MED4: variants seen among roughly 807,000 people sequenced by gnomAD.
MED4 encodes mediator of RNA polymerase II transcription subunit 4.
A neutral mutation model predicts 35.0 loss-of-function variants in MED4; 21 were observed. The ratio of observed to expected loss-of-function variants is 0.60; its 90% CI spans 0.43 to 0.86. MED4 has a LOEUF of 0.86. MED4 is among the 40% of genes least tolerant of loss of function. The pLI, the probability that MED4 is intolerant of heterozygous loss-of-function variation, is 0.00. For missense variants in MED4, 300 were observed against 319.4 expected (o/e 0.94, Z 0.46); for synonymous variants, 138 against 114.0 (o/e 1.21, Z -1.34).
At position 48,095,019 on chromosome 13, in the gene MED4, C is replaced by T. The variant is rs1168671599; in HGVS notation, c.60G>A (p.Val20=). The T allele has an allele frequency of 1.2e-6, 2 of 1,605,142 alleles. No homozygotes were observed. Among genetic ancestry groups the T allele is most frequent in the East Asian group, 2.2e-5 (1 of 44,866 alleles). ...EKERLGGGLG[V]AGGNSTRERL... is the part of the protein sequence containing the mutation. ...GCTCTCGTGTGCTGTTACCACCCGC[C>T]ACTCCCAAACCGCCTCCCAGCCGCT... is the stretch of plus-strand genomic sequence containing the variant. Residue 20 remains valine (V), a synonymous_variant, in exon 1 of 7, where the codon GTG becomes GTA. Transcript: ENST00000258648.
Position 48,094,973 on chromosome 13 carries a change from C to T in MED4, c.106G>A (p.Asp36Asn), listed in dbSNP as rs777467397. Residue 36 changes from aspartate to asparagine, a missense_variant, in exon 1 of 7, where the codon GAC (aspartate) becomes AAC (asparagine). Coordinates refer to ENST00000258648, the MANE Select transcript of MED4 (RefSeq NM_014166.4). ...CATTACCTAGACAGGACCTCCAAGT[C>T]CTCAAGCGCAGACAGCAGCCGCTCT... is the stretch of plus-strand genomic sequence containing the variant. The part of the protein sequence containing the change: ...TRERLLSALE[D>N]LEVLSRELIE... 2 of 1,603,864 alleles carry T rather than the reference C, an allele frequency of 1.2e-6. No homozygotes were observed. The highest frequency in any genetic ancestry group is 1.7e-5 in the Admixed American group (1 of 60,002).
intron 4 of MED4, 140 bp from the exon 5 acceptor site, chr13:48,081,871 A>G: frequency 2.0e-6 from 1 of 488,710 alleles, no homozygotes. Flanking sequence ...CTTCCTTAAC[A>G]ATACCTACAT....
In MED4 at chr13:48,081,703, CTTAA is replaced by C. The variant is rs766645675; in HGVS notation, c.446_449del (p.Ile149SerfsTer16). On this transcript the variant is annotated frameshift_variant, in exon 5 of 7. Transcript: ENST00000258648. LOFTEE classifies it high-confidence loss of function. ...TACTTGCACTGATCCTATGTGCATA[CTTAA>C]TTATTTCTTCAGAGGAGATAGCACC... 1 of 1,611,336 alleles carries C rather than the reference CTTAA, an allele frequency of 6.2e-7. No individual in the cohort carries two copies. The highest frequency in any genetic ancestry group is 1.7e-5 in the Admixed American group (1 of 59,630).
chr13:48,086,577 A>G (rs1950850162), intron 2 of MED4, 125 bp from the exon 3 acceptor site: 7 of 758,206 alleles, frequency 9.2e-6, no homozygotes, highest in Non-Finnish European at 1.2e-5. Context: ...TTTTATTCCT[A>G]ATTCTTGTTA....
Position 48,079,742 on chromosome 13 carries a change from T to A in MED4, c.640+102A>T, listed in dbSNP as rs190814474. On this transcript the variant is annotated intron_variant, in intron 6 of 6. Transcript: ENST00000258648. ...TCTCAAATTTACAAAAAAAAAAAAA[T>A]TGTGTCGGGAATCTCAAACTTGCTT... The A allele has an allele frequency of 7.1e-4, 954 of 1,352,316 alleles. 8 individuals carry two copies. The Admixed American group carries it at 0.02, about 29-fold the overall frequency. 83.8% of individuals were successfully genotyped at this position (1,352,316 alleles called of 1,614,324 possible). A position where few individuals can be genotyped will look rare whatever the true frequency, so the allele number is the denominator to read the frequency against.
At chr13:48,086,179 G>A (rs929407392) in intron 3 of MED4, 103 bp downstream of exon 3, 1 of 1,065,162 alleles carries the variant, frequency 9.4e-7, no homozygotes, top group Non-Finnish European at 1.4e-6. Context: ...TTTAGACTTG[G>A]AAAGTCTAGT....
At chr13:48,085,755 A>C (rs1386442606) in intron 3 of MED4, among the ~76,000 whole-genome samples, 3 of 152,214 alleles carry the variant, frequency 2.0e-5, no homozygotes, top group Admixed American at 6.5e-5. Context: ...TGCCTCTTTG[A>C]AATAGTAGCC....
At chr13:48,086,516 A>G (rs1385626166) in intron 2 of MED4, 64 bp from the exon 3 acceptor site, 16 of 1,447,480 alleles carry the variant, frequency 1.1e-5, no homozygotes, top group African/African-American at 2.9e-5. Flanking sequence ...CCAATGAAAC[A>G]AAGAATCCGT....
Position 48,094,939 on chromosome 13 carries a change from G to A in MED4, c.125+15C>T, listed in dbSNP as rs766867752. ...CGGCCCAGCTCCAGCCCGGCTCTCA[G>A]GCTCGCCGCATTACCTAGACAGGAC... On this transcript the variant is annotated intron_variant, in intron 1 of 6. Coordinates refer to ENST00000258648, the MANE Select transcript of MED4 (RefSeq NM_014166.4). The A allele has an allele frequency of 3.1e-6, 5 of 1,601,052 alleles. No homozygotes were observed. The highest frequency in any genetic ancestry group is 4.2e-6 in the Non-Finnish European group (5 of 1,179,002).
At chr13:48,088,142 A>G (rs897729938) in intron 2 of MED4, among the ~76,000 whole-genome samples, 2 of 152,248 alleles carry the variant, frequency 1.3e-5, no homozygotes, top group African/African-American at 4.8e-5. Context: ...AGCAAAGGCT[A>G]GTTATTACGA....
In MED4 at chr13:48,094,986, C is replaced by CCTCCA; in HGVS notation, c.92_93insTGGAG (p.Ser32GlyfsTer16). 2 of 1,604,172 alleles carry CCTCCA rather than the reference C, an allele frequency of 1.2e-6. No individual in the cohort carries two copies. Among genetic ancestry groups the CCTCCA allele is most frequent in the Non-Finnish European group, 1.7e-6 (2 of 1,179,830 alleles). On this transcript the variant is annotated frameshift_variant, in exon 1 of 7. Coordinates refer to ENST00000258648, the MANE Select transcript of MED4 (RefSeq NM_014166.4). LOFTEE classifies it high-confidence loss of function. ...GGACCTCCAAGTCCTCAAGCGCAGA[C>CCTCCA]AGCAGCCGCTCTCGTGTGCTGTTAC...
chr13:48,094,256 G>A (rs1394448723), intron 1 of MED4, among the ~76,000 whole-genome samples: 2 of 152,172 alleles, frequency 1.3e-5, no homozygotes, highest in Non-Finnish European at 2.9e-5. Context: ...ACTTTAGGAG[G>A]TAGAACCAAG....
At position 48,076,502 on chromosome 13, in the gene MED4, A is replaced by G. The variant is rs540306912; in HGVS notation, c.*637T>C. The stretch of plus-strand genomic sequence containing the variant: ...TTTCAATTCAGTTAGTCACTCAAGT[A>G]TTATAAAATGCAACTGGATTTACAG... On this transcript the variant is annotated 3_prime_UTR_variant, in exon 7 of 7. Transcript: ENST00000258648. 1 of 152,330 alleles carries G rather than the reference A, an allele frequency of 6.6e-6. No homozygotes were observed. The highest frequency in any genetic ancestry group is 1.5e-5 in the Non-Finnish European group (1 of 68,012). 9.4% of individuals were successfully genotyped at this position (152,330 alleles called of 1,614,324 possible).
intron 3 of MED4, among the ~76,000 whole-genome samples, chr13:48,085,298 A>G (rs1273000373): frequency 6.6e-6 from 1 of 151,212 alleles, no homozygotes; most frequent in Non-Finnish European, 1.5e-5. Flanking sequence ...CAGTCTCCTG[A>G]GTAGCTGGAA....
chr13:48,082,756 G>C (rs1241535208), intron 4 of MED4, among the ~76,000 whole-genome samples: 1 of 152,048 alleles, frequency 6.6e-6, no homozygotes, highest in Non-Finnish European at 1.5e-5. Flanking sequence ...GAACCCGGGA[G>C]GCGGAGCTTG....
intron 5 of MED4, among the ~76,000 whole-genome samples, chr13:48,081,274 T>C (rs1950806290): frequency 6.6e-6 from 1 of 152,236 alleles, no homozygotes; most frequent in African/African-American, 2.4e-5. Flanking sequence ...TGGAATTGTC[T>C]TTCTCAGGCT....
intron 3 of MED4, among the ~76,000 whole-genome samples, chr13:48,085,298 A>T (rs1273000373): frequency 1.3e-5 from 2 of 151,212 alleles, no homozygotes; most frequent in African/African-American, 4.9e-5. Flanking sequence ...CAGTCTCCTG[A>T]GTAGCTGGAA....
In MED4 at chr13:48,077,302, G is replaced by C; in HGVS notation, c.650C>G (p.Ala217Gly). Residue 217 changes from alanine to glycine, a missense_variant, in exon 7 of 7, where the codon GCT becomes GGT. By Grantham distance (60) the Ala-to-Gly change is moderately conservative. Coordinates refer to ENST00000258648, the MANE Select transcript of MED4 (RefSeq NM_014166.4). ...LAAGRLPDVL[A>G]PQYPWQSNDM... Reference sequence around the variant, plus strand: ...ATTTGACTGCCATGGATACTGTGGAGCAAGGACATCTGGAGAAAAAAAGAA... The same window carrying C: ...ATTTGACTGCCATGGATACTGTGGACCAAGGACATCTGGAGAAAAAAAGAA... 1 of 1,486,582 alleles carries C rather than the reference G, an allele frequency of 6.7e-7. No homozygotes were observed. Among genetic ancestry groups the C allele is most frequent in the Non-Finnish European group, 8.9e-7 (1 of 1,122,378 alleles). The allele number at this position is 1,486,582 out of a possible 1,614,324, so 92.1% of individuals were successfully genotyped here.
At chr13:48,078,161 G>A (rs527908105) in intron 6 of MED4, among the ~76,000 whole-genome samples, 1 of 152,260 alleles carries the variant, frequency 6.6e-6, no homozygotes, top group African/African-American at 2.4e-5. Flanking sequence ...ACATAAACAG[G>A]TATAGTTCAA....
Sources: gnomAD v4.1 joint callset for allele counts (sites outside exome capture counted in the v4.1 genomes callset) on GRCh38, gnomAD v4.1.1 for gene constraint, MANE v1.5 for transcripts, NCBI Gene and HGNC (gene_info 2026-07-23, HGNC 2026-07-21) for gene names.